Variants in CFAP20DC observed in about 807,000 individuals in gnomAD.
The protein encoded by CFAP20DC is protein CFAP20DC.
In CFAP20DC, 84 loss-of-function variants were observed where a neutral mutation model predicts 101.7. The observed-to-expected ratio is 0.83, with a 90% CI of 0.69 to 0.99. CFAP20DC has a LOEUF of 0.99. CFAP20DC is among the 50% of genes least tolerant of loss of function. The pLI, the probability that CFAP20DC is intolerant of heterozygous loss-of-function variation, is 0.00. For synonymous variants in CFAP20DC, 359 were observed against 351.2 expected, an observed-to-expected ratio of 1.02 and a Z score of -0.25; for missense variants, 1,007 against 970.3, an observed-to-expected ratio of 1.04 and a Z score of -0.50.
chr3:59,004,985 C>T (rs1223116027), intron 4 of CFAP20DC, among the ~76,000 whole-genome samples: 1 of 152,164 alleles, frequency 6.6e-6, no homozygotes, highest in Non-Finnish European at 1.5e-5. Context: ...TTTTTTACCC[C>T]TTACTCTATC....
chr3:58,890,979 G>T (rs1487368910), intron 6 of CFAP20DC, among the ~76,000 whole-genome samples: 1 of 143,912 alleles, frequency 6.9e-6, no homozygotes, highest in East Asian at 2.1e-4. Flanking sequence ...CATCCCAGAC[G>T]ATGGGCGGCC....
chr3:58,776,170 C>T (rs2071323764), intron 15 of CFAP20DC, among the ~76,000 whole-genome samples: 1 of 152,098 alleles, frequency 6.6e-6, no homozygotes, highest in African/African-American at 2.4e-5. Flanking sequence ...GAGCAACAGT[C>T]CACTCTTGGA....
chr3:58,842,044 G>A (rs1473707693), intron 13 of CFAP20DC, among the ~76,000 whole-genome samples: 1 of 152,292 alleles, frequency 6.6e-6, no homozygotes, highest in South Asian at 2.1e-4. Flanking sequence ...ATATTTGAAC[G>A]TAGTAATAGA....
intron 4 of CFAP20DC, among the ~76,000 whole-genome samples, chr3:58,955,891 C>T (rs1157906706): frequency 6.6e-6 from 1 of 151,428 alleles, no homozygotes; most frequent in Non-Finnish European, 1.5e-5. Context: ...GGCATGAGGC[C>T]CCCTTTCCAG....
intron 12 of CFAP20DC, among the ~76,000 whole-genome samples, chr3:58,860,499 A>G (rs2079162485): frequency 6.6e-6 from 1 of 152,214 alleles, no homozygotes; most frequent in South Asian, 2.1e-4. Context: ...ATGTCCAAAT[A>G]TGAATAAATT....
intron 4 of CFAP20DC, among the ~76,000 whole-genome samples, chr3:58,939,910 G>C: frequency 6.6e-6 from 1 of 151,950 alleles, no homozygotes; most frequent in Non-Finnish European, 1.5e-5. Context: ...GGGATTACCA[G>C]CGCGTGACAT....
At chr3:58,719,245 C>A (rs928933812) in intron 3 of CFAP20DC, among the ~76,000 whole-genome samples, 4 of 152,044 alleles carry the variant, frequency 2.6e-5, no homozygotes, top group African/African-American at 9.7e-5. Flanking sequence ...CCTGTCTCAA[C>A]AAAAGAAAAA....
intron 14 of CFAP20DC, among the ~76,000 whole-genome samples, chr3:58,828,929 A>G (rs2076217905): frequency 6.6e-6 from 1 of 152,098 alleles, no homozygotes; most frequent in African/African-American, 2.4e-5. Flanking sequence ...GATTCTTAGG[A>G]TTTGGAGACC....
intron 4 of CFAP20DC, among the ~76,000 whole-genome samples, chr3:59,008,510 C>T (rs1415996426): frequency 1.3e-5 from 2 of 152,156 alleles, no homozygotes; most frequent in Non-Finnish European, 2.9e-5. Context: ...ACATACACAC[C>T]ATGGAATACT....
intron 14 of CFAP20DC, among the ~76,000 whole-genome samples, chr3:58,812,593 A>G (rs1293830838): frequency 1.3e-5 from 2 of 151,772 alleles, no homozygotes; most frequent in East Asian, 1.9e-4. Context: ...ATTAGGAGAT[A>G]TAACTAATGC....
At chr3:58,879,634 G>A (rs751760541) in intron 7 of CFAP20DC, among the ~76,000 whole-genome samples, 2 of 152,112 alleles carry the variant, frequency 1.3e-5, no homozygotes, top group African/African-American at 2.4e-5. Context: ...ATTTTAGTGG[G>A]GGAGACAGCA....
At chr3:58,926,297 C>T (rs2085960638) in intron 5 of CFAP20DC, among the ~76,000 whole-genome samples, 1 of 151,136 alleles carries the variant, frequency 6.6e-6, no homozygotes, top group South Asian at 2.1e-4. Context: ...ACCTGAGAGG[C>T]AGAGGTTGCA....
At chr3:58,851,431 G>C (rs547868293) in intron 12 of CFAP20DC, among the ~76,000 whole-genome samples, 4 of 152,272 alleles carry the variant, frequency 2.6e-5, no homozygotes, top group South Asian at 2.1e-4. Context: ...ATCATACTGA[G>C]TAATTCTTGC....
intron 15 of CFAP20DC, among the ~76,000 whole-genome samples, chr3:58,797,226 G>A (rs996069850): frequency 6.6e-6 from 1 of 152,190 alleles, no homozygotes; most frequent in Non-Finnish European, 1.5e-5. Flanking sequence ...TAGGCCTCTT[G>A]CACCAAAAGC....
intron 7 of CFAP20DC, among the ~76,000 whole-genome samples, chr3:58,873,194 G>T (rs1200742335): frequency 6.6e-6 from 1 of 150,454 alleles, no homozygotes; most frequent in Non-Finnish European, 1.5e-5. Context: ...CAGAAGTCTG[G>T]ATAGCCATTC....
chr3:58,814,722 CAG>C (rs1361225058), intron 14 of CFAP20DC, among the ~76,000 whole-genome samples: 1 of 150,612 alleles, frequency 6.6e-6, no homozygotes, highest in African/African-American at 2.5e-5. Context: ...AACAGACAAA[CAG>C]AGAGCCAAAT....
chr3:58,725,562 CA>C (rs2067537299), intron 3 of CFAP20DC, among the ~76,000 whole-genome samples: 1 of 152,160 alleles, frequency 6.6e-6, no homozygotes, highest in African/African-American at 2.4e-5. Flanking sequence ...GAGGATTTAG[CA>C]AGGGGATTTT....
At chr3:58,887,069 G>C (rs1177819993) in intron 6 of CFAP20DC, among the ~76,000 whole-genome samples, 26 of 152,128 alleles carry the variant, frequency 1.7e-4, no homozygotes, top group Non-Finnish European at 4.4e-5. Flanking sequence ...TCTGAAAAAG[G>C]AAAATCAGTC....
At chr3:58,974,267 C>G (rs769392922) in intron 4 of CFAP20DC, among the ~76,000 whole-genome samples, 2 of 152,050 alleles carry the variant, frequency 1.3e-5, no homozygotes, top group Non-Finnish European at 2.9e-5. Context: ...CCCACCTTCC[C>G]CCTACTAGTA....
Sources: allele counts gnomAD v4.1 joint callset (sites outside exome capture counted in the v4.1 genomes callset), GRCh38; gene constraint gnomAD v4.1.1; transcripts MANE v1.5; gene names NCBI Gene and HGNC (gene_info 2026-07-23, HGNC 2026-07-21).